Variants in ATRNL1 observed in about 807,000 individuals in gnomAD.
The protein encoded by ATRNL1 is attractin-like protein 1.
Under a neutral mutation model 182.7 loss-of-function variants are expected in ATRNL1, and 95 were observed. The observed-to-expected ratio is 0.52, with a 90% CI of 0.44 to 0.62. The LOEUF (loss-of-function observed/expected upper bound fraction) is 0.62, where lower values mean the gene tolerates loss of function less well. Among genes scored for constraint, ATRNL1 ranks in the 20% least tolerant of loss-of-function variants. The pLI, the probability that ATRNL1 is intolerant of heterozygous loss-of-function variation, is 0.00. For missense variants in ATRNL1, 1,471 were observed against 1,679.5 expected, an observed-to-expected ratio of 0.88 and a Z score of 2.17; for synonymous variants, 576 against 568.3, an observed-to-expected ratio of 1.01 and a Z score of -0.19.
chr10:115,489,161 G>C (rs935100225), intron 24 of ATRNL1, among the ~76,000 whole-genome samples: 1 of 152,126 alleles, frequency 6.6e-6, no homozygotes, highest in Non-Finnish European at 1.5e-5. Context: ...GTCAATTTTA[G>C]AATTAAGTGC....
At chr10:115,443,526 T>G (rs1846804551) in intron 21 of ATRNL1, among the ~76,000 whole-genome samples, 1 of 152,082 alleles carries the variant, frequency 6.6e-6, no homozygotes, top group Non-Finnish European at 1.5e-5. Context: ...TTTTTACTTT[T>G]TATATATTTG....
intron 19 of ATRNL1, among the ~76,000 whole-genome samples, chr10:115,360,913 A>T (rs1253733697): frequency 1.3e-5 from 2 of 151,866 alleles, no homozygotes; most frequent in Non-Finnish European, 2.9e-5. Context: ...TGTTCTGATT[A>T]TGCACTTTTG....
chr10:115,926,639 C>T (rs1245999596), intron 28 of ATRNL1, among the ~76,000 whole-genome samples: 1 of 152,068 alleles, frequency 6.6e-6, no homozygotes, highest in East Asian at 1.9e-4. Flanking sequence ...CACCTCTATG[C>T]AAATAAACTA....
chr10:115,596,464 T>G (rs1213252549), intron 26 of ATRNL1, among the ~76,000 whole-genome samples: 2 of 152,232 alleles, frequency 1.3e-5, no homozygotes, highest in East Asian at 3.8e-4. Flanking sequence ...AATATATGAC[T>G]ACATACAATT....
chr10:115,155,107 A>C (rs534403623), intron 5 of ATRNL1, among the ~76,000 whole-genome samples: 10 of 152,096 alleles, frequency 6.6e-5, no homozygotes, highest in African/African-American at 2.2e-4. Context: ...GTTTTATCTA[A>C]TTAGAGTTAC....
At chr10:115,517,614 C>A (rs1184368686) in intron 24 of ATRNL1, among the ~76,000 whole-genome samples, 1 of 151,660 alleles carries the variant, frequency 6.6e-6, no homozygotes, top group Non-Finnish European at 1.5e-5. Context: ...TTTATTCAAG[C>A]CTTTGTTCAA....
chr10:115,883,189 C>T (rs1397542351), intron 28 of ATRNL1, among the ~76,000 whole-genome samples: 1 of 152,214 alleles, frequency 6.6e-6, no homozygotes, highest in Non-Finnish European at 1.5e-5. Flanking sequence ...ATGCAAGAAA[C>T]TCTTTACCCC....
At chr10:115,531,437 T>A (rs1331687134) in intron 25 of ATRNL1, among the ~76,000 whole-genome samples, 9 of 152,216 alleles carry the variant, frequency 5.9e-5, no homozygotes, top group Non-Finnish European at 8.8e-5. Context: ...TTTTGAGAAG[T>A]GTCTGTTCAT....
intron 9 of ATRNL1, among the ~76,000 whole-genome samples, chr10:115,234,586 CT>C (rs1366662864): frequency 6.9e-6 from 1 of 144,048 alleles, no homozygotes. Context: ...CGATTTTTTT[CT>C]TTTTCTTTTT....
intron 8 of ATRNL1, among the ~76,000 whole-genome samples, chr10:115,211,935 G>A: frequency 1.3e-5 from 2 of 150,242 alleles, no homozygotes; most frequent in Non-Finnish European, 3.0e-5. Context: ...TTGTCCTAAG[G>A]GTCTCTGAGA....
At chr10:115,794,079 G>A (rs190084255) in intron 27 of ATRNL1, among the ~76,000 whole-genome samples, 2 of 152,090 alleles carry the variant, frequency 1.3e-5, no homozygotes, top group South Asian at 2.1e-4. Context: ...TGCATCAAAC[G>A]GTTTATGAGA....
intron 9 of ATRNL1, among the ~76,000 whole-genome samples, chr10:115,231,798 GT>G (rs1177073328): frequency 6.6e-6 from 1 of 152,026 alleles, no homozygotes; most frequent in Admixed American, 6.6e-5. Flanking sequence ...TGAAAATTTT[GT>G]TTCTTTTTAT....
chr10:115,683,200 A>G (rs1555045265), intron 26 of ATRNL1, among the ~76,000 whole-genome samples: 1 of 152,072 alleles, frequency 6.6e-6, no homozygotes, highest in African/African-American at 2.4e-5. Context: ...GCCAACACAT[A>G]TGTTATTCCA....
chr10:115,320,831 C>T (rs1034658907), intron 18 of ATRNL1, among the ~76,000 whole-genome samples: 45 of 151,908 alleles, frequency 3.0e-4, no homozygotes, highest in Admixed American at 5.2e-4. Context: ...TTTAGCTCAG[C>T]GTAGTTTTTT....
chr10:115,339,079 A>G (rs996341092), intron 19 of ATRNL1, among the ~76,000 whole-genome samples: 2 of 152,120 alleles, frequency 1.3e-5, no homozygotes, highest in African/African-American at 2.4e-5. Flanking sequence ...CCATTGAACT[A>G]TGTGTCTGTT....
intron 26 of ATRNL1, among the ~76,000 whole-genome samples, chr10:115,580,642 G>T (rs538864296): frequency 6.6e-6 from 1 of 151,788 alleles, no homozygotes; most frequent in Admixed American, 6.6e-5. Context: ...CCCAGGTTTG[G>T]AAAGTGTTCA....
intron 18 of ATRNL1, among the ~76,000 whole-genome samples, chr10:115,327,485 G>A (rs1854962511): frequency 6.6e-6 from 1 of 150,524 alleles, no homozygotes; most frequent in African/African-American, 2.4e-5. Flanking sequence ...TACACTGTTG[G>A]TGGGACTGTA....
intron 27 of ATRNL1, among the ~76,000 whole-genome samples, chr10:115,736,833 T>C (rs1947965122): frequency 6.6e-6 from 1 of 152,136 alleles, no homozygotes; most frequent in Non-Finnish European, 1.5e-5. Flanking sequence ...AGTGGCATGA[T>C]CTCAGCTCAC....
intron 25 of ATRNL1, among the ~76,000 whole-genome samples, chr10:115,525,184 A>T (rs1289033872): frequency 6.6e-6 from 1 of 152,120 alleles, no homozygotes; most frequent in Non-Finnish European, 1.5e-5. Flanking sequence ...CTTCATTCTT[A>T]CTTAAAATGA....
Sources: allele counts gnomAD v4.1 joint callset (sites outside exome capture counted in the v4.1 genomes callset), GRCh38; gene constraint gnomAD v4.1.1; transcripts MANE v1.5; gene names NCBI Gene and HGNC (gene_info 2026-07-23, HGNC 2026-07-21).